The following DSCAM variants were observed in gnomAD, a reference collection of about 807,000 sequenced individuals.
The protein encoded by DSCAM is DS cell adhesion molecule.
DSCAM carries 47 observed loss-of-function variants against 217.7 expected under a neutral mutation model. That is an observed-to-expected ratio of 0.22 (90% confidence interval 0.17 to 0.28). DSCAM has a LOEUF of 0.28. Ranked by LOEUF, DSCAM falls within the 10% of genes least tolerant of loss-of-function variation. The probability of loss-of-function intolerance (pLI) is 1.00; values close to 1 mark genes in which losing one functional copy is unlikely to be tolerated. For missense variants in DSCAM, 2,080 were observed against 2,618.3 expected (o/e 0.79, Z 4.49); for synonymous variants, 1,056 against 1,015.3 (o/e 1.04, Z -0.76).
chr21:40,809,646 GTCC>G (rs2091820135), intron 1 of DSCAM, among the ~76,000 whole-genome samples: 1 of 152,142 alleles, frequency 6.6e-6, no homozygotes, highest in Non-Finnish European at 1.5e-5. Flanking sequence ...TTGGATCTGG[GTCC>G]TCTAGGAGAC....
intron 6 of DSCAM, among the ~76,000 whole-genome samples, chr21:40,342,080 G>A (rs533568332): frequency 3.5e-4 from 53 of 152,222 alleles, no homozygotes; most frequent in African/African-American, 9.9e-4. Context: ...TTGGCCATCC[G>A]TGTGTTTCCT....
rs201605543 is a variant in DSCAM, at chr21:40,044,044, C to G, written c.5383+34G>C. The G allele has an allele frequency of 3.9e-4, 633 of 1,610,452 alleles. 9 individuals are homozygous for G. The Admixed American group carries it at 8.2e-3, about 21-fold the overall frequency. Reference sequence around the variant, plus strand: ...CTCAAGGTGCGGGGGCCGTGCTGGTCCCCAGGGACGGAGGAGGCAGCGTCA... The same window carrying G: ...CTCAAGGTGCGGGGGCCGTGCTGGTGCCCAGGGACGGAGGAGGCAGCGTCA... On this transcript the variant is annotated intron_variant, in intron 31 of 32. Transcript: ENST00000400454.
At chr21:40,476,476 T>A (rs927475837) in intron 3 of DSCAM, among the ~76,000 whole-genome samples, 2 of 152,254 alleles carry the variant, frequency 1.3e-5, no homozygotes, top group African/African-American at 4.8e-5. Flanking sequence ...ATCATAATAA[T>A]ATTGATGATG....
At chr21:40,815,626 G>T (rs1398934142) in intron 1 of DSCAM, among the ~76,000 whole-genome samples, 1 of 152,176 alleles carries the variant, frequency 6.6e-6, no homozygotes, top group African/African-American at 2.4e-5. Flanking sequence ...CCCAGGGTGT[G>T]CTTCCTTGTT....
chr21:40,220,698 A>G (rs2091282328), intron 11 of DSCAM, among the ~76,000 whole-genome samples: 1 of 152,220 alleles, frequency 6.6e-6, no homozygotes, highest in Non-Finnish European at 1.5e-5. Context: ...ACTCCCCATG[A>G]GAGTTCACAG....
intron 1 of DSCAM, among the ~76,000 whole-genome samples, chr21:40,815,690 T>C (rs1037497303): frequency 6.6e-6 from 1 of 152,182 alleles, no homozygotes; most frequent in Non-Finnish European, 1.5e-5. Context: ...TACGATAATT[T>C]TGTGAGGTAG....
At chr21:40,301,667 G>A (rs1232561077) in intron 9 of DSCAM, among the ~76,000 whole-genome samples, 1 of 114,832 alleles carries the variant, frequency 8.7e-6, no homozygotes, top group Non-Finnish European at 1.6e-5. Context: ...CATGCTATGA[G>A]AACAAGAACC....
chr21:40,247,263 T>A (rs760460191), intron 11 of DSCAM, among the ~76,000 whole-genome samples: 2 of 152,096 alleles, frequency 1.3e-5, no homozygotes, highest in Non-Finnish European at 2.9e-5. Context: ...TCCTCACATT[T>A]CAAAAACAAT....
At chr21:40,491,359 C>T (rs990282954) in intron 3 of DSCAM, among the ~76,000 whole-genome samples, 5 of 152,146 alleles carry the variant, frequency 3.3e-5, no homozygotes, top group Admixed American at 6.5e-5. Flanking sequence ...TTCTGCCTAA[C>T]CTTTTTGCCA....
At chr21:40,326,295 G>A in intron 8 of DSCAM, among the ~76,000 whole-genome samples, 1 of 152,156 alleles carries the variant, frequency 6.6e-6, no homozygotes, top group East Asian at 1.9e-4. Context: ...CTCAACAGTG[G>A]GACATGGGCT....
intron 4 of DSCAM, among the ~76,000 whole-genome samples, chr21:40,362,050 A>G (rs1034080271): frequency 4.6e-5 from 7 of 152,030 alleles, no homozygotes; most frequent in African/African-American, 1.7e-4. Flanking sequence ...GCGATAGTTT[A>G]CTGAGAATGA....
chr21:40,434,267 G>T (rs967721746), intron 3 of DSCAM, among the ~76,000 whole-genome samples: 2 of 152,192 alleles, frequency 1.3e-5, no homozygotes, highest in Admixed American at 6.5e-5. Context: ...GCCAGAGCAG[G>T]TGTGAACACA....
At chr21:40,829,694 A>C (rs2091997600) in intron 1 of DSCAM, among the ~76,000 whole-genome samples, 1 of 152,144 alleles carries the variant, frequency 6.6e-6, no homozygotes, top group East Asian at 1.9e-4. Context: ...TTGTCTGCTG[A>C]AATTTGGAGG....
rs1347787098 is a variant in DSCAM, at chr21:40,239,404, C to A, written c.2356+36693G>T. Among the ~76,000 whole-genome samples the A allele has an allele frequency of 2.0e-5, 3 of 151,978 alleles. No homozygotes were observed. The South Asian group carries it at 6.2e-4, about 32-fold the overall frequency. On this transcript the variant is annotated intron_variant, in intron 11 of 32. Coordinates refer to ENST00000400454, the MANE Select transcript of DSCAM (RefSeq NM_001389.5). ...GTTTTGTATATGCTATTTTTGGATA[C>A]CTGCCTTCTTAAATTTGAGTTAATC...
At position 40,013,111 on chromosome 21, in the gene DSCAM, A is replaced by G; in HGVS notation, c.5962T>C (p.Ser1988Pro). ...ELGQAAKMSS[S>P]QESLLDSRGH... ...CGGGAGTCGAGCAGTGATTCTTGGG[A>G]GCTGCTCATTTTAGCTGCCTGTCCC... Residue 1988 changes from serine (S) to proline (P), a missense_variant, in exon 33 of 33, where the codon TCC (serine) becomes CCC (proline). Transcript: ENST00000400454. 6 of 1,607,374 alleles carry G rather than the reference A, an allele frequency of 3.7e-6. No homozygotes were observed. Among genetic ancestry groups the G allele is most frequent in the Non-Finnish European group, 5.1e-6 (6 of 1,176,032 alleles).
intron 1 of DSCAM, among the ~76,000 whole-genome samples, chr21:40,845,539 T>TCCTCTC (rs1461797110): frequency 3.5e-5 from 3 of 86,134 alleles, no homozygotes; most frequent in East Asian, 6.6e-4. Context: ...TCTCTTCTTC[T>TCCTCTC]CCTCTCTCTC....
chr21:40,289,752 A>G (rs1324795020), intron 10 of DSCAM, among the ~76,000 whole-genome samples: 1 of 152,190 alleles, frequency 6.6e-6, no homozygotes, highest in East Asian at 1.9e-4. Flanking sequence ...GTGCTCCCCA[A>G]GGTTCAGTCA....
chr21:40,045,503 G>A (rs2088828792), intron 30 of DSCAM, among the ~76,000 whole-genome samples: 1 of 152,146 alleles, frequency 6.6e-6, no homozygotes, highest in Non-Finnish European at 1.5e-5. Context: ...CTTTGGTGAG[G>A]TAAGAAGAAG....
In DSCAM at chr21:40,016,446, C is replaced by G. The variant is rs1447093124; in HGVS notation, c.5687-3060G>C. Among the ~76,000 whole-genome samples the G allele has an allele frequency of 6.6e-6, 1 of 152,138 alleles. No homozygotes were observed. The highest frequency in any genetic ancestry group is 1.5e-5 in the Non-Finnish European group (1 of 68,028). ...TGAGTTTGATGCAGCTGGGGACATT[C>G]AAGACAAGATATCTAGTAGGTATTT... On this transcript the variant is annotated intron_variant, in intron 32 of 32. Transcript: ENST00000400454. This position sits in a 1 kb window ranked among gnomAD's most constrained non-coding sequence, Gnocchi z 4.3.
Sources: gnomAD v4.1 joint callset for allele counts (sites outside exome capture counted in the v4.1 genomes callset) on GRCh38, gnomAD v4.1.1 for gene constraint, Gnocchi (gnomAD v3.1) non-coding constraint, MANE v1.5 for transcripts, NCBI Gene and HGNC (gene_info 2026-07-23, HGNC 2026-07-21) for gene names.